ARL3: variants seen among roughly 807,000 people sequenced by gnomAD.
ARL3 encodes the protein ADP-ribosylation factor-like protein 3.
Under a neutral mutation model 26.0 loss-of-function variants are expected in ARL3, and 9 were observed. The ratio of observed to expected loss-of-function variants is 0.35; its 90% CI spans 0.21 to 0.60. The LOEUF is 0.60. Among genes scored for constraint, ARL3 ranks in the 20% least tolerant of loss-of-function variants. The probability of loss-of-function intolerance (pLI) is 0.78; values close to 1 mark genes in which losing one functional copy is unlikely to be tolerated. For synonymous variants in ARL3, 71 were observed against 78.4 expected (o/e 0.91, Z 0.50); for missense variants, 158 against 215.7 (o/e 0.73, Z 1.67).
intron 2 of ARL3, among the ~76,000 whole-genome samples, chr10:102,701,338 T>C (rs1027357479): frequency 6.6e-6 from 1 of 152,150 alleles, no homozygotes; most frequent in Non-Finnish European, 1.5e-5. Flanking sequence ...AACATTTGTT[T>C]CATGTGGTAG....
intron 3 of ARL3, among the ~76,000 whole-genome samples, chr10:102,692,728 A>T (rs566165472): frequency 6.7e-6 from 1 of 149,844 alleles, no homozygotes; most frequent in Non-Finnish European, 1.5e-5. Flanking sequence ...CTTTTTTTTG[A>T]GACAGAGTCT....
chr10:102,676,538 CTTTT>C lies in ARL3; in HGVS notation c.*352_*355del, dbSNP rs1164760163. On this transcript the variant is annotated 3_prime_UTR_variant, in exon 6 of 6. Transcript: ENST00000260746. ...GCTGCTTCTTCCTCTTTTTCTTTTT[CTTTT>C]TTTTTTTTTGAGAGGAAAAAAAAGC... is the stretch of plus-strand genomic sequence containing the variant. 2.0e-5 allele frequency: 3 copies of C among 150,848 alleles called. No homozygotes were observed. The highest frequency in any genetic ancestry group is 3.9e-4 in the East Asian group (2 of 5,146). The allele number at this position is 150,848 out of a possible 1,614,324, so 9.3% of individuals were successfully genotyped here.
chr10:102,682,817 C>T (rs1176836860), intron 5 of ARL3, among the ~76,000 whole-genome samples: 1 of 152,002 alleles, frequency 6.6e-6, no homozygotes, highest in East Asian at 1.9e-4. Context: ...AACCTTTGTA[C>T]ATTTTCTTTC....
At chr10:102,713,343 T>C (rs534669622) in intron 1 of ARL3, among the ~76,000 whole-genome samples, 5 of 152,216 alleles carry the variant, frequency 3.3e-5, no homozygotes, top group Non-Finnish European at 7.3e-5. Flanking sequence ...GTCACAACCA[T>C]AATTTAGAAT....
intron 3 of ARL3, among the ~76,000 whole-genome samples, chr10:102,698,506 A>G (rs927517274): frequency 6.6e-6 from 1 of 152,164 alleles, no homozygotes; most frequent in African/African-American, 2.4e-5. Flanking sequence ...TTTTTCTCCC[A>G]TCTAAGTTCA....
At chr10:102,688,076 A>T (rs1408764291) in intron 4 of ARL3, among the ~76,000 whole-genome samples, 1 of 152,202 alleles carries the variant, frequency 6.6e-6, no homozygotes, top group Non-Finnish European at 1.5e-5. Flanking sequence ...AAATAACTTT[A>T]TTGGTCCATC....
chr10:102,714,153 T>C (rs912995339), intron 1 of ARL3, 120 bp downstream of exon 1: 21 of 1,200,794 alleles, frequency 1.7e-5, no homozygotes, highest in African/African-American at 1.2e-4. Context: ...ACAACCCAGA[T>C]AGCAGGCTGA....
At chr10:102,688,526 G>C (rs2064199598) in intron 4 of ARL3, among the ~76,000 whole-genome samples, 2 of 143,380 alleles carry the variant, frequency 1.4e-5, no homozygotes, top group South Asian at 4.4e-4. Flanking sequence ...TTTTGAGAGG[G>C]AGTCTCACTC....
rs200799107 is a variant in ARL3 at position 102,714,210 on chromosome 10, G to A, written c.3+63C>T. ...GGCTTTAAGCGCAGTGCTCCGCCCT[G>A]GGCCTGGGGACGGGAGGGGGATAAC... On this transcript the variant is annotated intron_variant, in intron 1 of 5. Coordinates refer to ENST00000260746, the MANE Select transcript of ARL3 (RefSeq NM_004311.4). 1.4e-3 allele frequency: 1,898 copies of A among 1,311,308 alleles called. 1 individual carries two copies. Among genetic ancestry groups the A allele is most frequent in the Middle Eastern group, 2.9e-3 (14 of 4,864 alleles). 81.2% of individuals were successfully genotyped at this position (1,311,308 alleles called of 1,614,324 possible).
intron 2 of ARL3, among the ~76,000 whole-genome samples, chr10:102,702,244 G>A (rs2064283804): frequency 6.6e-6 from 1 of 151,808 alleles, no homozygotes; most frequent in South Asian, 2.1e-4. Context: ...TATCCTCTAT[G>A]AGCCATTTTT....
intron 5 of ARL3, among the ~76,000 whole-genome samples, chr10:102,685,576 C>G (rs1479863415): frequency 6.6e-6 from 1 of 152,226 alleles, no homozygotes; most frequent in Non-Finnish European, 1.5e-5. Context: ...CCTCAGTCTT[C>G]TGTTCTCACA....
At position 102,714,326 on chromosome 10, in the gene ARL3, A is replaced by C. The variant is rs754365051; in HGVS notation, c.-51T>G. On this transcript the variant is annotated 5_prime_UTR_variant, in exon 1 of 6. Coordinates refer to ENST00000260746, the MANE Select transcript of ARL3 (RefSeq NM_004311.4). ...TCCTCCTCCTGCTGCCTCCCCCGTT[A>C]CCAGGGGCAACTGCTGCGGCGCCGC... The C allele has an allele frequency of 3.2e-5, 42 of 1,301,208 alleles. No individual in the cohort carries two copies. Among genetic ancestry groups the C allele is most frequent in the Non-Finnish European group, 4.0e-5 (41 of 1,016,774 alleles). 80.6% of individuals were successfully genotyped at this position (1,301,208 alleles called of 1,614,324 possible).
chr10:102,708,908 A>ATATATATATAC, intron 1 of ARL3, among the ~76,000 whole-genome samples: 21 of 95,350 alleles, frequency 2.2e-4, no homozygotes, highest in Non-Finnish European at 4.0e-4. Flanking sequence ...ATATATATAT[A>ATATATATATAC]TTTTTTTTTT....
At position 102,699,348 on chromosome 10, in the gene ARL3, TTAGTGCGTCAGAAGGAG is replaced by T; in HGVS notation, c.264+8_264+24del. ...AACACATGGCAGAAAATACTATGAA[TTAGTGCGTCAGAAGGAG>T]TACTTACAAGAATATCGGTATTTTC... On this transcript the variant is annotated splice_region_variant and intron_variant, in intron 3 of 5. Transcript: ENST00000260746. The T allele has an allele frequency of 2.9e-6, 4 of 1,363,378 alleles. No homozygotes were observed. The highest frequency in any genetic ancestry group is 4.2e-6 in the Non-Finnish European group (4 of 952,770). 84.5% of individuals were successfully genotyped at this position (1,363,378 alleles called of 1,614,324 possible). A position where few individuals can be genotyped will look rare whatever the true frequency, so the allele number is the denominator to read the frequency against.
intron 1 of ARL3, among the ~76,000 whole-genome samples, chr10:102,713,143 AAG>A (rs2064356940): frequency 6.6e-6 from 1 of 151,856 alleles, no homozygotes; most frequent in Non-Finnish European, 1.5e-5. Context: ...AAAGTCAAGA[AAG>A]GAACTAGGAA....
intron 3 of ARL3, among the ~76,000 whole-genome samples, chr10:102,698,346 T>G (rs2064260779): frequency 6.6e-6 from 1 of 152,104 alleles, no homozygotes; most frequent in Non-Finnish European, 1.5e-5. Flanking sequence ...ACTGCTGAGA[T>G]TACAGGCATG....
At chr10:102,705,719 A>G (rs1484382395) in intron 1 of ARL3, among the ~76,000 whole-genome samples, 1 of 152,222 alleles carries the variant, frequency 6.6e-6, no homozygotes, top group Non-Finnish European at 1.5e-5. Context: ...CTGCTCCTCC[A>G]ATCAATCTAG....
chr10:102,713,406 G>T (rs948445389), intron 1 of ARL3, among the ~76,000 whole-genome samples: 6 of 152,170 alleles, frequency 3.9e-5, no homozygotes, highest in Non-Finnish European at 5.9e-5. Flanking sequence ...CCGGATTGAA[G>T]TTCGATCTCC....
intron 5 of ARL3, among the ~76,000 whole-genome samples, chr10:102,680,817 C>T (rs1157725187): frequency 1.3e-5 from 2 of 152,154 alleles, no homozygotes; most frequent in Non-Finnish European, 2.9e-5. Flanking sequence ...ATGCAGCCTA[C>T]CTCATTGTGC....
Sources: gnomAD v4.1 joint callset for allele counts (sites outside exome capture counted in the v4.1 genomes callset) on GRCh38, gnomAD v4.1.1 for gene constraint, MANE v1.5 for transcripts, NCBI Gene and HGNC (gene_info 2026-07-23, HGNC 2026-07-21) for gene names.